The following DYNC2H1 variants were observed in gnomAD, a reference collection of about 807,000 sequenced individuals.
The protein encoded by DYNC2H1 is cytoplasmic dynein 2 heavy chain 1.
DYNC2H1 carries 410 observed loss-of-function variants against 570.0 expected under a neutral mutation model. The ratio of observed to expected loss-of-function variants is 0.72; its 90% CI spans 0.66 to 0.78. The LOEUF is 0.78. Among genes scored for constraint, DYNC2H1 ranks in the 30% least tolerant of loss-of-function variants. The pLI, the probability that DYNC2H1 is intolerant of heterozygous loss-of-function variation, is 0.00. For synonymous variants in DYNC2H1, 1,688 were observed against 1,677.6 expected (o/e 1.01, Z -0.15); for missense variants, 4,865 against 5,046.4 (o/e 0.96, Z 1.09).
At chr11:103,111,795 T>C (rs1045087660) in intron 1 of DYNC2H1, among the ~76,000 whole-genome samples, 14 of 152,236 alleles carry the variant, frequency 9.2e-5, no homozygotes, top group Non-Finnish European at 1.2e-4. Context: ...TGAAAATATT[T>C]TGTTATGTCT....
At chr11:103,284,236 T>G (rs970442663) in intron 73 of DYNC2H1, among the ~76,000 whole-genome samples, 1 of 152,166 alleles carries the variant, frequency 6.6e-6, no homozygotes, top group Non-Finnish European at 1.5e-5. Context: ...TGACCTCACT[T>G]TGCTCCTTGG....
rs1034697163 is a variant in DYNC2H1 at position 103,191,354 on chromosome 11, G to A, written c.7438-163G>A. 8.6e-5 allele frequency among the ~76,000 whole-genome samples: 13 copies of A among 152,030 alleles called. No individual in the cohort carries two copies. In the South Asian group the frequency reaches 1.5e-3, roughly 17 times the overall value. On this transcript the variant is annotated intron_variant, in intron 45 of 88. Transcript: ENST00000375735. ...GCGCCCGACCAGAATGTTTTTAAGT[G>A]CATAAAATATAGTATAAAGATAATG...
chr11:103,123,726 T>G (rs1178272977), intron 11 of DYNC2H1, among the ~76,000 whole-genome samples: 2 of 152,206 alleles, frequency 1.3e-5, no homozygotes, highest in African/African-American at 2.4e-5. Context: ...ACTAGCATGG[T>G]AGCATACCAA....
chr11:103,207,521 T>C (rs940794525), intron 52 of DYNC2H1, among the ~76,000 whole-genome samples: 20 of 152,208 alleles, frequency 1.3e-4, no homozygotes, highest in African/African-American at 4.3e-4. Flanking sequence ...TGGGATACTC[T>C]TTTCTAATTG....
intron 55 of DYNC2H1, among the ~76,000 whole-genome samples, chr11:103,217,058 C>G (rs1179408243): frequency 6.6e-6 from 1 of 152,002 alleles, no homozygotes; most frequent in African/African-American, 2.4e-5. Context: ...AATATGTTTC[C>G]CCATCTCCCT....
intron 47 of DYNC2H1, among the ~76,000 whole-genome samples, chr11:103,192,517 T>C (rs1862360181): frequency 1.3e-5 from 2 of 152,188 alleles, no homozygotes; most frequent in South Asian, 4.1e-4. Flanking sequence ...AATGCAAGAT[T>C]ATTTTAATAA....
intron 83 of DYNC2H1, among the ~76,000 whole-genome samples, chr11:103,370,495 T>C (rs1313640581): frequency 6.6e-6 from 1 of 151,358 alleles, no homozygotes; most frequent in East Asian, 2.0e-4. Context: ...AGCCAAGGAG[T>C]GGTTACTGCA....
chr11:103,211,847 T>C lies in DYNC2H1; in HGVS notation c.8598T>C (p.Gly2866=). ...TCCATGAATCTTGTAAAGCATATGG[T>C]GCTACACCAAGCCGATACATGACCT... The part of the protein sequence containing the change: ...LLIHESCKAY[G]ATPSRYMTFL... The change falls in exon 54 of 89, where the codon GGT becomes GGC. Residue 2866 remains glycine, a synonymous_variant. Coordinates refer to ENST00000375735, the MANE Select transcript of DYNC2H1 (RefSeq NM_001377.3). 2.0e-6 allele frequency: 3 copies of C among 1,522,620 alleles called. No individual in the cohort carries two copies. The highest frequency in any genetic ancestry group is 2.7e-6 in the Non-Finnish European group (3 of 1,131,756). 94.3% of individuals were successfully genotyped at this position (1,522,620 alleles called of 1,614,324 possible).
At chr11:103,143,661 T>C (rs1003780928) in intron 18 of DYNC2H1, among the ~76,000 whole-genome samples, 1 of 152,190 alleles carries the variant, frequency 6.6e-6, no homozygotes, top group Non-Finnish European at 1.5e-5. Flanking sequence ...GAGCTATGTT[T>C]GATATGCATT....
chr11:103,131,686 G>C (rs533780958), intron 13 of DYNC2H1, among the ~76,000 whole-genome samples: 51 of 151,914 alleles, frequency 3.4e-4, no homozygotes, highest in Non-Finnish European at 5.4e-4. Context: ...CATTCCTGAA[G>C]GATATTTTAA....
chr11:103,253,390 C>A lies in DYNC2H1; in HGVS notation c.10148C>A (p.Ala3383Glu). The A allele has an allele frequency of 6.2e-7, 1 of 1,613,266 alleles. No homozygotes were observed. Among genetic ancestry groups the A allele is most frequent in the Admixed American group, 1.7e-5 (1 of 59,986 alleles). ...RNPNPFIPPD[A>E]ASIVTEVNFT... ...CCAAATCCTTTTATTCCACCGGATG[C>A]AGCTTCCATTGTTACTGAGGTTAAC... The change falls in exon 66 of 89, where the codon GCA becomes GAA. Residue 3383 changes from alanine (A) to glutamate (E), a missense_variant. By Grantham distance (107) the Ala-to-Glu change is moderately radical. Coordinates refer to ENST00000375735, the MANE Select transcript of DYNC2H1 (RefSeq NM_001377.3).
At chr11:103,323,794 T>C in intron 81 of DYNC2H1, 92 bp from the exon 82 acceptor site, 1 of 948,550 alleles carries the variant, frequency 1.1e-6, no homozygotes, top group Non-Finnish European at 1.5e-6. Context: ...CAAATAATAA[T>C]TGAACATTTC....
chr11:103,383,669 T>C (rs1420984379), intron 83 of DYNC2H1, among the ~76,000 whole-genome samples: 1 of 150,782 alleles, frequency 6.6e-6, no homozygotes. Context: ...AGGGACGGGG[T>C]TTCACCATGT....
intron 82 of DYNC2H1, among the ~76,000 whole-genome samples, chr11:103,343,796 T>A (rs998704626): frequency 6.6e-6 from 1 of 152,236 alleles, no homozygotes; most frequent in Non-Finnish European, 1.5e-5. Context: ...ATTTGGTAAC[T>A]GCCAGTTTTG....
chr11:103,125,985 G>T (rs1182072794), intron 12 of DYNC2H1, among the ~76,000 whole-genome samples: 2 of 152,036 alleles, frequency 1.3e-5, no homozygotes, highest in African/African-American at 4.8e-5. Flanking sequence ...TTCTTTAGTT[G>T]ATTTTTATTC....
At chr11:103,172,420 C>T (rs1044588911) in intron 34 of DYNC2H1, among the ~76,000 whole-genome samples, 2 of 152,050 alleles carry the variant, frequency 1.3e-5, no homozygotes, top group African/African-American at 4.8e-5. Flanking sequence ...TTAATAATAA[C>T]TAAAACATAA....
chr11:103,447,375 A>G (rs2257379), intron 85 of DYNC2H1, among the ~76,000 whole-genome samples: 53,711 of 151,594 alleles, frequency 0.35, 10,025 homozygotes, highest in African/African-American at 0.48. Context: ...AAGTTAAACA[A>G]GGTAAAAAAT....
At chr11:103,471,677 C>T (rs1225724440) in intron 88 of DYNC2H1, among the ~76,000 whole-genome samples, 1 of 152,164 alleles carries the variant, frequency 6.6e-6, no homozygotes, top group South Asian at 2.1e-4. Flanking sequence ...TTTACCAGTA[C>T]TTTCACTCAT....
At chr11:103,368,735 A>C (rs2135549334) in intron 83 of DYNC2H1, among the ~76,000 whole-genome samples, 1 of 152,132 alleles carries the variant, frequency 6.6e-6, no homozygotes, top group Admixed American at 6.5e-5. Flanking sequence ...TCTTTAATTT[A>C]TTTTTATTTT....
Sources: gnomAD v4.1 joint callset for allele counts (sites outside exome capture counted in the v4.1 genomes callset) on GRCh38, gnomAD v4.1.1 for gene constraint, MANE v1.5 for transcripts, NCBI Gene and HGNC (gene_info 2026-07-23, HGNC 2026-07-21) for gene names.